Variants in BCAS3 observed in about 807,000 individuals in gnomAD.
BCAS3 encodes the protein BCAS3 microtubule associated cell migration factor.
Under a neutral mutation model 116.1 loss-of-function variants are expected in BCAS3, and 53 were observed. That is an observed-to-expected ratio of 0.46 (90% CI 0.37 to 0.57). BCAS3 has a LOEUF of 0.57. Ranked by LOEUF, BCAS3 falls within the 20% of genes least tolerant of loss-of-function variation. The probability of loss-of-function intolerance (pLI) is 0.00; values close to 1 mark genes in which losing one functional copy is unlikely to be tolerated. For missense variants in BCAS3, 917 were observed against 1,165.4 expected (o/e 0.79, Z 3.10); for synonymous variants, 391 against 408.2 (o/e 0.96, Z 0.51).
intron 6 of BCAS3, among the ~76,000 whole-genome samples, chr17:60,803,794 C>T (rs1297074359): frequency 1.6e-5 from 2 of 122,426 alleles, no homozygotes; most frequent in African/African-American, 3.1e-5. Context: ...GTAACTATTA[C>T]GATTTTTTTT....
In BCAS3 at chr17:61,215,677, C is replaced by T. The variant is rs925543768; in HGVS notation, c.2425+131113C>T. ...CATTAACCTCTCCCAATTTCCATCT[C>T]TTTTCACATTTACCTCCTTAATTTG... On this transcript the variant is annotated intron_variant, in intron 22 of 23. Coordinates refer to ENST00000407086, the MANE Select transcript of BCAS3 (RefSeq NM_017679.5). The surrounding 1 kb of genome is among the most constrained non-coding windows in gnomAD (Gnocchi z 4.8). 6.6e-6 allele frequency among the ~76,000 whole-genome samples: 1 copy of T among 152,232 alleles called. No individual in the cohort carries two copies. Among genetic ancestry groups the T allele is most frequent in the African/African-American group, 2.4e-5 (1 of 41,464 alleles).
intron 22 of BCAS3, among the ~76,000 whole-genome samples, chr17:61,175,284 AT>A (rs1400185112): frequency 1.3e-5 from 2 of 152,108 alleles, no homozygotes; most frequent in Admixed American, 6.6e-5. Flanking sequence ...GTGCATGGCC[AT>A]AGTCCCAGCT....
intron 8 of BCAS3, among the ~76,000 whole-genome samples, chr17:60,871,511 G>A (rs1446588429): frequency 1.3e-5 from 2 of 151,918 alleles, no homozygotes; most frequent in Admixed American, 1.3e-4. Context: ...TCCAGCTGTA[G>A]GTTTATTTAT....
intron 13 of BCAS3, among the ~76,000 whole-genome samples, chr17:60,937,232 G>T (rs994972700): frequency 4.1e-5 from 6 of 145,606 alleles, no homozygotes; most frequent in East Asian, 2.0e-4. Flanking sequence ...CCATATATCT[G>T]TTTTTTTTTT....
intron 22 of BCAS3, among the ~76,000 whole-genome samples, chr17:61,170,700 G>A (rs1030532865): frequency 6.6e-6 from 1 of 152,154 alleles, no homozygotes; most frequent in Non-Finnish European, 1.5e-5. Flanking sequence ...AGAGCTCGTC[G>A]CTGGTACATA....
chr17:61,193,336 T>C (rs550926041), intron 22 of BCAS3, among the ~76,000 whole-genome samples: 18 of 151,884 alleles, frequency 1.2e-4, no homozygotes, highest in African/African-American at 4.1e-4. Context: ...TCCAAACATA[T>C]AGAGAAAAAA....
At position 61,156,616 on chromosome 17, in the gene BCAS3, TAAG is replaced by T. The variant is rs949507814; in HGVS notation, c.2425+72055_2425+72057del. Among the ~76,000 whole-genome samples, 2 of 152,132 alleles carry T rather than the reference TAAG, an allele frequency of 1.3e-5. No homozygotes were observed. The highest frequency in any genetic ancestry group is 3.8e-4 in the East Asian group (2 of 5,198). On this transcript the variant is annotated intron_variant, in intron 22 of 23. Coordinates refer to ENST00000407086, the MANE Select transcript of BCAS3 (RefSeq NM_017679.5). The surrounding 1 kb of genome is among the most constrained non-coding windows in gnomAD (Gnocchi z 4.7). ...TTTTATGTCGAGTTTCATCATTTGG[TAAG>T]AAATTTCAGAGGGATTTTTAAATAT...
chr17:60,704,705 G>A (rs1029250987), intron 4 of BCAS3, among the ~76,000 whole-genome samples: 1 of 152,000 alleles, frequency 6.6e-6, no homozygotes, highest in Non-Finnish European at 1.5e-5. Flanking sequence ...GGGCATGGTG[G>A]TGCGTGCCTA....
At chr17:61,310,705 A>AG (rs1188157821) in intron 22 of BCAS3, among the ~76,000 whole-genome samples, 2 of 152,226 alleles carry the variant, frequency 1.3e-5, no homozygotes, top group African/African-American at 4.8e-5. Context: ...AGAGACATGA[A>AG]GGGGGGCAGG....
In BCAS3 at chr17:61,269,117, CTTT is replaced by C. The variant is rs796111045; in HGVS notation, c.2426-99198_2426-99196del. Among the ~76,000 whole-genome samples the C allele has an allele frequency of 4.5e-3, 635 of 140,330 alleles. 7 individuals carry two copies. Among genetic ancestry groups the C allele is most frequent in the African/African-American group, 0.015 (590 of 38,478 alleles). The allele number at this position is 140,330 out of a possible 152,430, so 92.1% of individuals were successfully genotyped here. ...TCTCTTAGAAATTGTATTTTCTTTT[CTTT>C]TTTTTTTTTTTGAAATGGAGTTTCG... On this transcript the variant is annotated intron_variant, in intron 22 of 23. Coordinates refer to ENST00000407086, the MANE Select transcript of BCAS3 (RefSeq NM_017679.5).
intron 6 of BCAS3, among the ~76,000 whole-genome samples, chr17:60,758,565 A>G (rs1350200235): frequency 6.6e-6 from 1 of 152,016 alleles, no homozygotes; most frequent in Non-Finnish European, 1.5e-5. Flanking sequence ...ATTTTTTGGT[A>G]GAGACGGAGT....
chr17:60,865,770 G>T (rs75904768), intron 7 of BCAS3, among the ~76,000 whole-genome samples: 36 of 152,132 alleles, frequency 2.4e-4, no homozygotes, highest in Non-Finnish European at 5.0e-4. Context: ...TAATTATTGC[G>T]CTGGGTAAGA....
intron 2 of BCAS3, among the ~76,000 whole-genome samples, chr17:60,683,755 C>T (rs1258172014): frequency 2.0e-5 from 3 of 150,902 alleles, no homozygotes; most frequent in African/African-American, 7.3e-5. Context: ...TTGCTTAAGC[C>T]CCGGAGGTCG....
At chr17:60,738,736 T>C (rs999326629) in intron 5 of BCAS3, among the ~76,000 whole-genome samples, 8 of 152,130 alleles carry the variant, frequency 5.3e-5, no homozygotes, top group African/African-American at 1.9e-4. Context: ...TTTGTTGCCC[T>C]TGTTTTAATT....
chr17:60,975,628 C>G (rs2062292796), intron 14 of BCAS3, among the ~76,000 whole-genome samples: 1 of 152,176 alleles, frequency 6.6e-6, no homozygotes, highest in Non-Finnish European at 1.5e-5. Flanking sequence ...CCATTGATCA[C>G]TACCATTCAA....
intron 14 of BCAS3, among the ~76,000 whole-genome samples, chr17:60,982,414 C>A (rs915595824): frequency 1.3e-5 from 2 of 152,078 alleles, no homozygotes; most frequent in African/African-American, 4.8e-5. Flanking sequence ...CTTAAGCGAT[C>A]CTTCTACCTT....
At chr17:60,894,931 A>G (rs774775141) in intron 10 of BCAS3, among the ~76,000 whole-genome samples, 16 of 152,006 alleles carry the variant, frequency 1.1e-4, no homozygotes, top group Non-Finnish European at 1.9e-4. Context: ...ATTGTGGTCT[A>G]TTATATTTTT....
rs2052983296 is a variant in BCAS3, at chr17:60,850,345, G to GGTT, written c.477-18231_477-18230insGTT. Among the ~76,000 whole-genome samples the GGTT allele has an allele frequency of 1.6e-4, 6 of 37,732 alleles. No individual in the cohort carries two copies. The East Asian group carries it at 3.8e-3, about 24-fold the overall frequency. 24.8% of individuals were successfully genotyped at this position (37,732 alleles called of 152,430 possible). A position where few individuals can be genotyped will look rare whatever the true frequency, so the allele number is the denominator to read the frequency against. On this transcript the variant is annotated intron_variant, in intron 7 of 23. Coordinates refer to ENST00000407086, the MANE Select transcript of BCAS3 (RefSeq NM_017679.5). ...CCTCCCCCTAACTCCTGGCACCACTGTTTTTTTTTTTTTTTTTTTTTTTTT... is the reference window on the plus strand; with the variant it reads ...CCTCCCCCTAACTCCTGGCACCACTGGTTTTTTTTTTTTTTTTTTTTTTTTTTT...
In BCAS3 at chr17:61,007,730, G is replaced by T. The variant is rs532431353; in HGVS notation, c.1487-8021G>T. 6.6e-6 allele frequency among the ~76,000 whole-genome samples: 1 copy of T among 151,710 alleles called. No individual in the cohort carries two copies. The highest frequency in any genetic ancestry group is 1.9e-4 in the East Asian group (1 of 5,150). ...GTTTAAAAAAAAAAAAGAAAGATTG[G>T]ATTCTTGTTTTCAAGTCCATTTTGT... On this transcript the variant is annotated intron_variant, in intron 15 of 23. Transcript: ENST00000407086. The surrounding 1 kb of genome is among the most constrained non-coding windows in gnomAD (Gnocchi z 4.3).
Sources: allele counts gnomAD v4.1 joint callset (sites outside exome capture counted in the v4.1 genomes callset), GRCh38; gene constraint gnomAD v4.1.1; non-coding constraint Gnocchi (gnomAD v3.1); transcripts MANE v1.5; gene names NCBI Gene and HGNC (gene_info 2026-07-23, HGNC 2026-07-21).